IQCM: variants seen among roughly 807,000 people sequenced by gnomAD.
IQCM encodes IQ domain-containing protein M.
Under a neutral mutation model 57.6 loss-of-function variants are expected in IQCM, and 45 were observed. That is an observed-to-expected ratio of 0.78 (90% CI 0.62 to 1.00). The LOEUF (loss-of-function observed/expected upper bound fraction) is 1.00. Among genes scored for constraint, IQCM ranks in the 50% least tolerant of loss-of-function variants. IQCM has a pLI of 0.00. For synonymous variants in IQCM, 148 were observed against 158.9 expected (o/e 0.93, Z 0.51); for missense variants, 468 against 511.6 (o/e 0.91, Z 0.82).
intron 12 of IQCM, among the ~76,000 whole-genome samples, chr4:149,440,640 T>C (rs976570049): frequency 1.6e-4 from 24 of 152,242 alleles, no homozygotes; most frequent in Admixed American, 1.6e-3. Flanking sequence ...TCTTTCTAGA[T>C]TCAAGAGGCA....
intron 5 of IQCM, among the ~76,000 whole-genome samples, chr4:149,723,454 A>G (rs769344142): frequency 9.9e-5 from 15 of 151,896 alleles, no homozygotes; most frequent in Non-Finnish European, 1.6e-4. Flanking sequence ...ATTTTGAGGT[A>G]TATTCTTTAT....
At chr4:149,698,221 A>C in intron 5 of IQCM, among the ~76,000 whole-genome samples, 1 of 152,072 alleles carries the variant, frequency 6.6e-6, no homozygotes, top group South Asian at 2.1e-4. Context: ...GTTAGGGACC[A>C]TGGAGGTTAT....
intron 13 of IQCM, among the ~76,000 whole-genome samples, chr4:149,419,962 G>A (rs1734013434): frequency 6.6e-6 from 1 of 152,134 alleles, no homozygotes; most frequent in Admixed American, 6.6e-5. Flanking sequence ...ACACCAGTAA[G>A]AATGGTGATT....
chr4:149,412,065 T>TC (rs1733425250), intron 13 of IQCM, among the ~76,000 whole-genome samples: 1 of 122,138 alleles, frequency 8.2e-6, no homozygotes, highest in South Asian at 2.7e-4. Context: ...AGTGTGTGTG[T>TC]TTGTGTGTGT....
chr4:149,438,311 A>G (rs1369159599), intron 12 of IQCM, among the ~76,000 whole-genome samples: 1 of 152,130 alleles, frequency 6.6e-6, no homozygotes, highest in Non-Finnish European at 1.5e-5. Flanking sequence ...TGCATTCACA[A>G]TGAATTAGCA....
chr4:149,785,305 C>A (rs1771979404), intron 2 of IQCM, among the ~76,000 whole-genome samples: 1 of 152,068 alleles, frequency 6.6e-6, no homozygotes, highest in South Asian at 2.1e-4. Flanking sequence ...CTTTATTAGG[C>A]ACACAAAGTT....
chr4:149,663,681 T>C (rs1307980064), intron 7 of IQCM, among the ~76,000 whole-genome samples: 4 of 152,146 alleles, frequency 2.6e-5, no homozygotes, highest in Non-Finnish European at 5.9e-5. Context: ...TGGATGGTTT[T>C]GGCTGAAACA....
intron 7 of IQCM, among the ~76,000 whole-genome samples, chr4:149,661,602 A>G (rs1250255678): frequency 2.0e-5 from 3 of 152,198 alleles, no homozygotes; most frequent in Non-Finnish European, 2.9e-5. Context: ...TTGATGGAAG[A>G]TTTTTTGTTA....
chr4:149,650,942 G>A (rs184881824), intron 7 of IQCM, among the ~76,000 whole-genome samples: 198 of 152,142 alleles, frequency 1.3e-3, no homozygotes, highest in Non-Finnish European at 2.3e-3. Flanking sequence ...TGTAAATTGC[G>A]GAGGAAAAAT....
intron 2 of IQCM, among the ~76,000 whole-genome samples, chr4:149,751,556 AC>A (rs776620790): frequency 1.3e-5 from 2 of 151,956 alleles, no homozygotes; most frequent in Non-Finnish European, 2.9e-5. Context: ...AATTTCCTTA[AC>A]CCTCATAGAC....
chr4:149,477,204 C>T (rs1740295015), intron 12 of IQCM, among the ~76,000 whole-genome samples: 1 of 152,180 alleles, frequency 6.6e-6, no homozygotes, highest in South Asian at 2.1e-4. Flanking sequence ...TTCCTGCCAC[C>T]TTTGATAAAT....
At chr4:149,721,992 A>G (rs1765488366) in intron 5 of IQCM, among the ~76,000 whole-genome samples, 1 of 152,024 alleles carries the variant, frequency 6.6e-6, no homozygotes, top group African/African-American at 2.4e-5. Context: ...CATTCTGGCT[A>G]TGGTAATGTG....
At chr4:149,801,256 GA>G (rs894893990) in intron 2 of IQCM, among the ~76,000 whole-genome samples, 1 of 151,298 alleles carries the variant, frequency 6.6e-6, no homozygotes, top group South Asian at 2.1e-4. Context: ...TGAGGTTGTG[GA>G]AAAAAAACAA....
Position 149,757,552 on chromosome 4 carries a change from T to C in IQCM, c.-48-14813A>G, listed in dbSNP as rs1769096192. On this transcript the variant is annotated intron_variant, in intron 2 of 13. Coordinates refer to ENST00000636793, the MANE Select transcript of IQCM (RefSeq NM_001363507.2). ...GTAGCAATAATGTTATCAGATAAAA[T>C]AGACATTAGATGAAAAATTATTAAT... Among the ~76,000 whole-genome samples the C allele has an allele frequency of 3.9e-5, 6 of 151,950 alleles. No homozygotes were observed. In the South Asian group the frequency reaches 1.0e-3, roughly 26 times the overall value.
chr4:149,784,320 C>T (rs1771880956), intron 2 of IQCM, among the ~76,000 whole-genome samples: 1 of 152,248 alleles, frequency 6.6e-6, no homozygotes, highest in Admixed American at 6.5e-5. Context: ...GGATTTCAAA[C>T]ATTCTGCCTG....
At chr4:149,428,681 G>C (rs1422875017) in intron 13 of IQCM, among the ~76,000 whole-genome samples, 1 of 151,770 alleles carries the variant, frequency 6.6e-6, no homozygotes, top group Admixed American at 6.6e-5. Context: ...TTAAAGCTAA[G>C]ATAGATTCTA....
At chr4:149,813,746 G>A (rs1197379511) in intron 2 of IQCM, among the ~76,000 whole-genome samples, 1 of 151,992 alleles carries the variant, frequency 6.6e-6, no homozygotes, top group Admixed American at 6.6e-5. Flanking sequence ...TTCATCTCCA[G>A]ATAAGGAATA....
chr4:149,484,099 T>A (rs1267071342), intron 12 of IQCM, among the ~76,000 whole-genome samples: 1 of 152,056 alleles, frequency 6.6e-6, no homozygotes, highest in Non-Finnish European at 1.5e-5. Context: ...GATATAGGTA[T>A]AGCTACTCCT....
intron 12 of IQCM, among the ~76,000 whole-genome samples, chr4:149,540,195 C>T (rs566469889): frequency 1.3e-5 from 2 of 151,142 alleles, no homozygotes; most frequent in South Asian, 4.2e-4. Flanking sequence ...AGAAAAGAGG[C>T]CTTAAGGGAA....
Sources: allele counts gnomAD v4.1 joint callset (sites outside exome capture counted in the v4.1 genomes callset), GRCh38; gene constraint gnomAD v4.1.1; transcripts MANE v1.5; gene names NCBI Gene and HGNC (gene_info 2026-07-23, HGNC 2026-07-21).